The following CRLF3 variants were observed in gnomAD, a reference collection of about 807,000 sequenced individuals.
CRLF3 encodes cytokine receptor-like factor 3.
CRLF3 carries 33 observed loss-of-function variants against 55.0 expected under a neutral mutation model. The observed-to-expected ratio is 0.60, with a 90% confidence interval of 0.46 to 0.80. CRLF3 has a LOEUF of 0.80. CRLF3 is among the 30% of genes least tolerant of loss of function. The pLI is 0.00. For synonymous variants in CRLF3, 238 were observed against 196.8 expected (o/e 1.21, Z -1.75); for missense variants, 494 against 538.4 (o/e 0.92, Z 0.82).
rs567001694 is a variant in CRLF3 at position 30,794,615 on chromosome 17, C to A, written c.604-943G>T. 3.0e-3 allele frequency among the ~76,000 whole-genome samples: 451 copies of A among 152,004 alleles called. 1 individual carries two copies. The highest frequency in any genetic ancestry group is 4.8e-3 in the Non-Finnish European group (327 of 67,978). Reference sequence around the variant, plus strand: ...GAATTTGAGGCCAGCCTAGGCAACACAGCAAAACCCCATCTCTACAAAAAA... The same window carrying A: ...GAATTTGAGGCCAGCCTAGGCAACAAAGCAAAACCCCATCTCTACAAAAAA... On this transcript the variant is annotated intron_variant, in intron 4 of 7. Transcript: ENST00000324238.
chr17:30,822,775 A>G (rs915222111), intron 1 of CRLF3, among the ~76,000 whole-genome samples: 2 of 152,194 alleles, frequency 1.3e-5, no homozygotes, highest in Non-Finnish European at 2.9e-5. Flanking sequence ...CTGATTCTTA[A>G]TTGCTAATAC....
intron 1 of CRLF3, among the ~76,000 whole-genome samples, chr17:30,811,876 C>T (rs192857655): frequency 7.1e-4 from 104 of 146,710 alleles, no homozygotes; most frequent in Middle Eastern, 7.9e-3. Context: ...TTTGGGAGGC[C>T]GAGGCGGGCG....
chr17:30,798,892 A>G lies in CRLF3; in HGVS notation c.338-1494T>C, dbSNP rs75775726. On this transcript the variant is annotated intron_variant, in intron 2 of 7. Transcript: ENST00000324238. ...CTCAAAATTCCATAAGTAAGTTTCT[A>G]TCCCTCAGGAGAATAGGAAAGAGTT... Among the ~76,000 whole-genome samples, 899 of 152,284 alleles carry G rather than the reference A, an allele frequency of 5.9e-3. 8 individuals are homozygous for G. The highest frequency in any genetic ancestry group is 0.021 in the African/African-American group (866 of 41,558).
intron 1 of CRLF3, among the ~76,000 whole-genome samples, chr17:30,817,904 CA>C (rs924297403): frequency 0.014 from 846 of 61,370 alleles, 1 homozygote; most frequent in African/African-American, 0.026. Flanking sequence ...GACTCCATCC[CA>C]AAAAAAAAAA....
In CRLF3 at chr17:30,786,039, T is replaced by G. The variant is rs186684161; in HGVS notation, c.960-8A>C. 1 of 1,472,382 alleles carries G rather than the reference T, an allele frequency of 6.8e-7. No individual in the cohort carries two copies. Among genetic ancestry groups the G allele is most frequent in the East Asian group, 2.3e-5 (1 of 44,204 alleles). 91.2% of individuals were successfully genotyped at this position (1,472,382 alleles called of 1,614,324 possible). On this transcript the variant is annotated splice_region_variant and splice_polypyrimidine_tract_variant and intron_variant, in intron 6 of 7. Coordinates refer to ENST00000324238, the MANE Select transcript of CRLF3 (RefSeq NM_015986.4). ...TGTCCCACAGTTTCAACTCTGTAAATGAAGTAGAAAGGTCATTTCATACTT... is the reference window on the plus strand; with the variant it reads ...TGTCCCACAGTTTCAACTCTGTAAAGGAAGTAGAAAGGTCATTTCATACTT...
At chr17:30,811,008 G>A (rs988161504) in intron 1 of CRLF3, among the ~76,000 whole-genome samples, 1 of 152,128 alleles carries the variant, frequency 6.6e-6, no homozygotes, top group African/African-American at 2.4e-5. Context: ...AGGAACACTT[G>A]AGCCTGAGAG....
chr17:30,811,308 A>T (rs1477287949), intron 1 of CRLF3, among the ~76,000 whole-genome samples: 2 of 151,478 alleles, frequency 1.3e-5, no homozygotes, highest in Non-Finnish European at 2.9e-5. Flanking sequence ...CACAAAAATT[A>T]GCTGGGTTTG....
At chr17:30,796,972 C>A (rs2142256392) in intron 3 of CRLF3, among the ~76,000 whole-genome samples, 1 of 152,180 alleles carries the variant, frequency 6.6e-6, no homozygotes, top group South Asian at 2.1e-4. Context: ...AAACTTGGCT[C>A]ACTGCAACAT....
chr17:30,813,151 A>T (rs1054981209), intron 1 of CRLF3, among the ~76,000 whole-genome samples: 31 of 152,172 alleles, frequency 2.0e-4, no homozygotes, highest in African/African-American at 7.0e-4. Context: ...CAAATCATAT[A>T]AAAAAATACA....
chr17:30,817,468 C>G (rs1012826753), intron 1 of CRLF3, among the ~76,000 whole-genome samples: 2 of 148,856 alleles, frequency 1.3e-5, no homozygotes, highest in Non-Finnish European at 1.5e-5. Context: ...GAAAAATATT[C>G]TTGTAAATGC....
chr17:30,785,932 G>A lies in CRLF3; in HGVS notation c.1059C>T (p.Cys353=). Residue 353 remains cysteine, a synonymous_variant, in exon 7 of 8, where the codon TGC becomes TGT. Coordinates refer to ENST00000324238, the MANE Select transcript of CRLF3 (RefSeq NM_015986.4). The part of the protein sequence containing the change: ...YDSLQRDQAV[C]ISTNGAVFVN... ...TTTATCTCTTACCATTTGTACTAAT[G>A]CACACAGCTTGATCCCGCTGCAGAG... 6.3e-7 allele frequency: 1 copy of A among 1,578,794 alleles called. No individual in the cohort carries two copies. The highest frequency in any genetic ancestry group is 8.7e-7 in the Non-Finnish European group (1 of 1,148,662).
chr17:30,784,232 A>T lies in CRLF3; in HGVS notation c.1284T>A (p.Phe428Leu), dbSNP rs1457600652. ...LLDQSCGSLY[F>L]GCSFFYPGWK... ...ATCCAGGATAGAAAAATGAGCATCC[A>T]AAGTAAAGAGAACCACAAGACTGAT... Residue 428 changes from phenylalanine to leucine, a missense_variant, in exon 8 of 8, where the codon TTT becomes TTA. Physicochemically the swap from Phe to Leu is conservative, Grantham distance 22 (BLOSUM62 0). Coordinates refer to ENST00000324238, the MANE Select transcript of CRLF3 (RefSeq NM_015986.4). 3.1e-6 allele frequency: 5 copies of T among 1,614,118 alleles called. No homozygotes were observed. Among genetic ancestry groups the T allele is most frequent in the Non-Finnish European group, 4.2e-6 (5 of 1,179,980 alleles).
At chr17:30,792,661 A>G in intron 5 of CRLF3, 89 bp from the exon 6 acceptor site, 2 of 1,236,512 alleles carry the variant, frequency 1.6e-6, no homozygotes. Flanking sequence ...TGGAAATGGG[A>G]GACTACTCTT....
At chr17:30,821,123 G>C (rs1346456012) in intron 1 of CRLF3, among the ~76,000 whole-genome samples, 1 of 151,432 alleles carries the variant, frequency 6.6e-6, no homozygotes, top group Non-Finnish European at 1.5e-5. Context: ...GGCCAAAGTG[G>C]GTGTTCATCT....
intron 6 of CRLF3, among the ~76,000 whole-genome samples, chr17:30,791,125 A>C (rs1400891429): frequency 6.6e-6 from 1 of 151,600 alleles, no homozygotes; most frequent in African/African-American, 2.4e-5. Flanking sequence ...CCCTGTTGCC[A>C]GGCTGAAGTG....
At chr17:30,824,456 C>A in intron 1 of CRLF3, 67 bp downstream of exon 1, 1 of 1,490,864 alleles carries the variant, frequency 6.7e-7, no homozygotes, top group Non-Finnish European at 8.9e-7. Flanking sequence ...CAAAGCCCTC[C>A]CAGCCTTCGC....
At position 30,793,192 on chromosome 17, in the gene CRLF3, A is replaced by T. The variant is rs1287129464; in HGVS notation, c.826+258T>A. On this transcript the variant is annotated intron_variant, in intron 5 of 7. Coordinates refer to ENST00000324238, the MANE Select transcript of CRLF3 (RefSeq NM_015986.4). ...AAAAAAAAGAATAAAAAGGAATATC[A>T]GTGCCCTACATAATATTTTCAATCT... Among the ~76,000 whole-genome samples the T allele has an allele frequency of 3.3e-5, 5 of 152,202 alleles. No homozygotes were observed. The South Asian group carries it at 1.0e-3, about 32-fold the overall frequency.
intron 6 of CRLF3, chr17:30,786,925 C>G (rs1055339302): frequency 1.3e-5 from 2 of 152,328 alleles, no homozygotes; most frequent in Non-Finnish European, 2.9e-5. Flanking sequence ...GTCTCGAACT[C>G]CTGACCTCAG....
intron 1 of CRLF3, among the ~76,000 whole-genome samples, chr17:30,818,891 C>T (rs1354641609): frequency 6.6e-6 from 1 of 151,652 alleles, no homozygotes; most frequent in African/African-American, 2.4e-5. Context: ...TCTTGGCTCA[C>T]TGCAACCTCC....
Sources: allele counts gnomAD v4.1 joint callset (sites outside exome capture counted in the v4.1 genomes callset), GRCh38; gene constraint gnomAD v4.1.1; transcripts MANE v1.5; gene names NCBI Gene and HGNC (gene_info 2026-07-23, HGNC 2026-07-21).